The following PMM2 variants were observed in gnomAD, a reference collection of about 807,000 sequenced individuals.
The protein encoded by PMM2 is phosphomannomutase 2, also known as mannose-6-phosphate isomerase.
PMM2 carries 35 observed loss-of-function variants against 33.2 expected under a neutral mutation model. That is an observed-to-expected ratio of 1.06 (90% CI 0.81 to 1.40). The LOEUF (loss-of-function observed/expected upper bound fraction) is 1.40, where lower values mean the gene tolerates loss of function less well. PMM2 is among the 40% of genes most tolerant of loss of function. The pLI, the probability that PMM2 is intolerant of heterozygous loss-of-function variation, is 0.00. For missense variants in PMM2, 386 were observed against 306.0 expected, an observed-to-expected ratio of 1.26 and a Z score of -1.95; for synonymous variants, 153 against 114.7, an observed-to-expected ratio of 1.33 and a Z score of -2.13.
intron 7 of PMM2, among the ~76,000 whole-genome samples, chr16:8,846,773 G>T (rs542448068): frequency 1.3e-5 from 2 of 152,326 alleles, no homozygotes; most frequent in South Asian, 4.1e-4. Context: ...CAGCCACACT[G>T]CTGCTCAGTG....
rs1424785276 is a variant in PMM2, at chr16:8,848,579, G to T, written c.*754G>T. On this transcript the variant is annotated 3_prime_UTR_variant, in exon 8 of 8. Transcript: ENST00000268261. ...AGACCGGAGGTAGTGGGAACCAACA[G>T]CTGGGCTGGAGAGTTGGTGCTGGCA... The T allele has an allele frequency of 2.6e-5, 4 of 152,490 alleles. No homozygotes were observed. Among genetic ancestry groups the T allele is most frequent in the African/African-American group, 9.6e-5 (4 of 41,474 alleles). The allele number at this position is 152,490 out of a possible 1,614,324, so 9.4% of individuals were successfully genotyped here. A position where few individuals can be genotyped will look rare whatever the true frequency, so the allele number is the denominator to read the frequency against.
At chr16:8,833,849 C>T (rs1294919421) in intron 7 of PMM2, among the ~76,000 whole-genome samples, 1 of 152,158 alleles carries the variant, frequency 6.6e-6, no homozygotes, top group African/African-American at 2.4e-5. Context: ...ATAGTCCTGC[C>T]AGCAAAGATT....
intron 7 of PMM2, among the ~76,000 whole-genome samples, chr16:8,824,571 TA>T (rs2060755902): frequency 6.6e-6 from 1 of 152,188 alleles, no homozygotes; most frequent in South Asian, 2.1e-4. Context: ...CAAAGAAAGT[TA>T]AACACTTTTT....
chr16:8,818,889 G>A (rs2060722145), intron 7 of PMM2, among the ~76,000 whole-genome samples: 1 of 152,192 alleles, frequency 6.6e-6, no homozygotes, highest in Non-Finnish European at 1.5e-5. Flanking sequence ...GAGACGGCAA[G>A]GGCAGAGAGC....
At chr16:8,824,392 C>T (rs901497354) in intron 7 of PMM2, among the ~76,000 whole-genome samples, 1 of 152,062 alleles carries the variant, frequency 6.6e-6, no homozygotes, top group African/African-American at 2.4e-5. Context: ...TCAGGACAGC[C>T]GTAGTTAAAG....
At chr16:8,845,286 A>G (rs1442365317) in intron 7 of PMM2, among the ~76,000 whole-genome samples, 1 of 152,208 alleles carries the variant, frequency 6.6e-6, no homozygotes, top group Non-Finnish European at 1.5e-5. Flanking sequence ...GGGAGATTAC[A>G]AAGTACATTG....
chr16:8,823,394 A>C (rs2060749064), intron 7 of PMM2, among the ~76,000 whole-genome samples: 1 of 152,214 alleles, frequency 6.6e-6, no homozygotes, highest in Admixed American at 6.5e-5. Context: ...ATAAAAACTC[A>C]AGAACAAAGG....
At chr16:8,840,025 G>A (rs1596504680) in intron 7 of PMM2, among the ~76,000 whole-genome samples, 1 of 152,040 alleles carries the variant, frequency 6.6e-6, no homozygotes, top group Admixed American at 6.6e-5. Flanking sequence ...AGGAAGTTCG[G>A]AGGTGTAGGG....
At chr16:8,839,204 T>C (rs2060873052) in intron 7 of PMM2, among the ~76,000 whole-genome samples, 1 of 152,032 alleles carries the variant, frequency 6.6e-6, no homozygotes, top group Non-Finnish European at 1.5e-5. Flanking sequence ...TCGTTCCTAT[T>C]TGCAAATTGA....
intron 1 of PMM2, among the ~76,000 whole-genome samples, chr16:8,798,250 A>G (rs1253825217): frequency 6.6e-6 from 1 of 152,190 alleles, no homozygotes; most frequent in African/African-American, 2.4e-5. Context: ...ATAGACCAGG[A>G]TTTCAACCCA....
intron 7 of PMM2, among the ~76,000 whole-genome samples, chr16:8,820,923 T>C (rs183129601): frequency 1.4e-4 from 21 of 152,338 alleles, no homozygotes; most frequent in African/African-American, 4.8e-4. Flanking sequence ...CAACAGTTCA[T>C]TAGAGCGTGA....
At position 8,797,881 on chromosome 16, in the gene PMM2, A is replaced by AC. The variant is rs1348674721; in HGVS notation, c.-1dup. On this transcript the variant is annotated 5_prime_UTR_variant, in exon 1 of 8. Coordinates refer to ENST00000268261, the MANE Select transcript of PMM2 (RefSeq NM_000303.3). ...TGTAAGGTGCGGCTAGAAACTGGGG[A>AC]CATGGCAGCGCCTGGCCCAGCGCTC... 2 of 1,611,302 alleles carry AC rather than the reference A, an allele frequency of 1.2e-6. No homozygotes were observed. The highest frequency in any genetic ancestry group is 2.7e-5 in the African/African-American group (2 of 74,902).
At chr16:8,806,682 A>G in intron 4 of PMM2, 1 of 494,950 alleles carries the variant, frequency 2.0e-6, no homozygotes, top group Non-Finnish European at 3.7e-6. Context: ...GAATCCCAGC[A>G]CTTAGTAAGG....
At chr16:8,844,669 T>C (rs1168676842) in intron 7 of PMM2, among the ~76,000 whole-genome samples, 1 of 152,174 alleles carries the variant, frequency 6.6e-6, no homozygotes, top group Non-Finnish European at 1.5e-5. Flanking sequence ...GTCCTTGCAA[T>C]GATTAAACAC....
At chr16:8,834,041 G>A (rs561838756) in intron 7 of PMM2, among the ~76,000 whole-genome samples, 1 of 149,520 alleles carries the variant, frequency 6.7e-6, no homozygotes, top group South Asian at 2.1e-4. Flanking sequence ...ACAAGTTTTG[G>A]GGGGCACAGT....
chr16:8,834,539 A>T (rs1337641473), intron 7 of PMM2, among the ~76,000 whole-genome samples: 1 of 152,050 alleles, frequency 6.6e-6, no homozygotes, highest in Non-Finnish European at 1.5e-5. Context: ...GAGTGAAGCT[A>T]ATTTGCCAGT....
intron 7 of PMM2, among the ~76,000 whole-genome samples, chr16:8,827,894 A>ATAATATATATTATATATAT (rs1309842661): frequency 7.8e-5 from 8 of 102,846 alleles, no homozygotes; most frequent in African/African-American, 2.5e-4. Context: ...TATATGATAT[A>ATAATATATATTATATATAT]TATGATATAT....
Position 8,849,134 on chromosome 16 carries a change from AC to A in PMM2, c.*1311del, listed in dbSNP as rs1272402964. On this transcript the variant is annotated 3_prime_UTR_variant, in exon 8 of 8. Transcript: ENST00000268261. The stretch of plus-strand genomic sequence containing the variant: ...AGCCAGGTGCTTTCATCACAGCTAA[AC>A]CTGGTTCCCTCCAAACCTCCCAGCC... 2.0e-5 allele frequency: 3 copies of A among 151,976 alleles called. No individual in the cohort carries two copies. Among genetic ancestry groups the A allele is most frequent in the Non-Finnish European group, 4.4e-5 (3 of 68,014 alleles). The allele number at this position is 151,976 out of a possible 1,614,324, so 9.4% of individuals were successfully genotyped here. A position where few individuals can be genotyped will look rare whatever the true frequency, so the allele number is the denominator to read the frequency against.
At chr16:8,832,137 G>C in intron 7 of PMM2, 1 of 985,390 alleles carries the variant, frequency 1.0e-6, no homozygotes, top group African/African-American at 1.7e-5. Context: ...TGGTATGCAA[G>C]CTCGACACAG....
Sources: allele counts gnomAD v4.1 joint callset (sites outside exome capture counted in the v4.1 genomes callset), GRCh38; gene constraint gnomAD v4.1.1; transcripts MANE v1.5; gene names NCBI Gene and HGNC (gene_info 2026-07-23, HGNC 2026-07-21).